CNKSR3: variants seen among roughly 807,000 people sequenced by gnomAD.
CNKSR3 encodes the protein CNKSR family member 3.
In CNKSR3, 36 loss-of-function variants were observed where a neutral mutation model predicts 67.7. The observed-to-expected ratio is 0.53, with a 90% confidence interval of 0.41 to 0.70. CNKSR3 has a LOEUF of 0.70. Ranked by LOEUF, CNKSR3 falls within the 30% of genes least tolerant of loss-of-function variation. The probability of loss-of-function intolerance (pLI) is 0.00; values close to 1 mark genes in which losing one functional copy is unlikely to be tolerated. For synonymous variants in CNKSR3, 281 were observed against 271.4 expected, an observed-to-expected ratio of 1.04 and a Z score of -0.35; for missense variants, 630 against 695.2, an observed-to-expected ratio of 0.91 and a Z score of 1.05.
chr6:154,426,375 T>TTTATTTATTTAA (rs1166471554), intron 7 of CNKSR3, among the ~76,000 whole-genome samples: 1 of 152,092 alleles, frequency 6.6e-6, no homozygotes, highest in East Asian at 1.9e-4. Flanking sequence ...TATTTATTTA[T>TTTATTTATTTAA]TTGAGACAGA....
At chr6:154,412,889 A>AC (rs1784938196) in intron 10 of CNKSR3, among the ~76,000 whole-genome samples, 1 of 152,200 alleles carries the variant, frequency 6.6e-6, no homozygotes, top group African/African-American at 2.4e-5. Flanking sequence ...AGACCCTGGC[A>AC]GTTCTGTAGG....
intron 1 of CNKSR3, among the ~76,000 whole-genome samples, chr6:154,495,230 T>C (rs1006920786): frequency 3.3e-5 from 5 of 152,210 alleles, no homozygotes; most frequent in African/African-American, 9.7e-5. Flanking sequence ...GTTTGAATCA[T>C]GGAAGTATCT....
At chr6:154,505,153 T>G (rs576560755) in intron 1 of CNKSR3, among the ~76,000 whole-genome samples, 41 of 151,688 alleles carry the variant, frequency 2.7e-4, no homozygotes, top group African/African-American at 9.9e-4. Context: ...TGCCTCTGTC[T>G]GGACGGTGGC....
At position 154,390,315 on chromosome 6, in the gene CNKSR3, G is replaced by C. The variant is rs991653005; in HGVS notation, c.*16039C>G. 6.6e-6 allele frequency: 1 copy of C among 152,178 alleles called. No homozygotes were observed. Among genetic ancestry groups the C allele is most frequent in the African/African-American group, 2.4e-5 (1 of 41,424 alleles). The allele number at this position is 152,178 out of a possible 1,614,324, so 9.4% of individuals were successfully genotyped here. On this transcript the variant is annotated 3_prime_UTR_variant, in exon 13 of 13. Transcript: ENST00000607772. Reference sequence around the variant, plus strand: ...CCCCTTGACTGTCAACTCTGCAGCTGGGCCAACCATACACACCCAGAGTTC... The same window carrying C: ...CCCCTTGACTGTCAACTCTGCAGCTCGGCCAACCATACACACCCAGAGTTC...
chr6:154,441,260 A>AAAAAAAAAAAAAAAG, intron 4 of CNKSR3, 32 bp downstream of exon 4: 1 of 1,259,120 alleles, frequency 7.9e-7, no homozygotes, highest in Non-Finnish European at 1.1e-6. Flanking sequence ...AAAAAAAAAA[A>AAAAAAAAAAAAAAAG]AAAAAGAAAG....
chr6:154,484,821 C>T (rs148437665), intron 1 of CNKSR3, among the ~76,000 whole-genome samples: 1,660 of 141,942 alleles, frequency 0.012, 109 homozygotes, highest in Admixed American at 0.1. Flanking sequence ...TTGTTACCAT[C>T]TGGATGGAGG....
intron 1 of CNKSR3, among the ~76,000 whole-genome samples, chr6:154,489,245 T>C (rs1020603348): frequency 6.4e-4 from 97 of 152,186 alleles, no homozygotes; most frequent in Admixed American, 5.5e-3. Flanking sequence ...AGTCACCCTA[T>C]TGCTGCTGGG....
chr6:154,497,069 G>A (rs1052838472), intron 1 of CNKSR3, among the ~76,000 whole-genome samples: 8 of 152,146 alleles, frequency 5.3e-5, no homozygotes, highest in African/African-American at 1.9e-4. Context: ...CTTAGCAAGA[G>A]CCTGGCCCTT....
At chr6:154,497,953 G>A (rs926484753) in intron 1 of CNKSR3, among the ~76,000 whole-genome samples, 1 of 152,202 alleles carries the variant, frequency 6.6e-6, no homozygotes, top group Non-Finnish European at 1.5e-5. Context: ...TAGGTGATAT[G>A]TGAAAACTTT....
intron 1 of CNKSR3, among the ~76,000 whole-genome samples, chr6:154,500,778 C>T (rs1786980291): frequency 6.6e-6 from 1 of 152,180 alleles, no homozygotes; most frequent in East Asian, 1.9e-4. Flanking sequence ...ACATAGAAAG[C>T]TTTCTAATTT....
intron 1 of CNKSR3, among the ~76,000 whole-genome samples, chr6:154,508,487 C>T (rs542503901): frequency 6.6e-6 from 1 of 152,268 alleles, no homozygotes; most frequent in South Asian, 2.1e-4. Context: ...TGCAGTGTCT[C>T]AAGTTGGCTC....
intron 1 of CNKSR3, among the ~76,000 whole-genome samples, chr6:154,459,541 G>GTAA (rs1786035813): frequency 6.6e-6 from 1 of 152,230 alleles, no homozygotes; most frequent in Non-Finnish European, 1.5e-5. Context: ...CAAATACGTA[G>GTAA]TAATGAGCCC....
intron 10 of CNKSR3, 24 bp downstream of exon 10, chr6:154,414,275 C>T (rs1259654647): frequency 6.4e-7 from 1 of 1,558,504 alleles, no homozygotes; most frequent in African/African-American, 1.4e-5. Flanking sequence ...GACAAGCATA[C>T]CATGACAATG....
Position 154,399,990 on chromosome 6 carries a change from G to T in CNKSR3, c.*6364C>A, listed in dbSNP as rs560232209. On this transcript the variant is annotated 3_prime_UTR_variant, in exon 13 of 13. Transcript: ENST00000607772. Reference sequence around the variant, plus strand: ...ATCATTTCTTCACAAACATCTGAATGTTTATGCTCCAGGCAAGAGGAGAGA... The same window carrying T: ...ATCATTTCTTCACAAACATCTGAATTTTTATGCTCCAGGCAAGAGGAGAGA... 2.0e-5 allele frequency: 3 copies of T among 152,244 alleles called. No homozygotes were observed. Among genetic ancestry groups the T allele is most frequent in the Admixed American group, 1.3e-4 (2 of 15,290 alleles). 9.4% of individuals were successfully genotyped at this position (152,244 alleles called of 1,614,324 possible).
intron 5 of CNKSR3, among the ~76,000 whole-genome samples, chr6:154,431,133 G>A (rs1341174307): frequency 6.6e-6 from 1 of 151,918 alleles, no homozygotes; most frequent in Non-Finnish European, 1.5e-5. Flanking sequence ...TGTACTAGGT[G>A]TGGTGCATTT....
At chr6:154,408,593 A>T (rs1422909441) in intron 12 of CNKSR3, among the ~76,000 whole-genome samples, 1 of 152,204 alleles carries the variant, frequency 6.6e-6, no homozygotes, top group Non-Finnish European at 1.5e-5. Context: ...AGGCAAATCC[A>T]CAGAGTAGAT....
At chr6:154,466,799 T>TG (rs987350901) in intron 1 of CNKSR3, among the ~76,000 whole-genome samples, 12 of 151,026 alleles carry the variant, frequency 7.9e-5, no homozygotes, top group Admixed American at 4.6e-4. Flanking sequence ...TTTTTGTTTT[T>TG]TTTTTTTATA....
chr6:154,477,476 A>G (rs922141617), intron 1 of CNKSR3, among the ~76,000 whole-genome samples: 3 of 147,164 alleles, frequency 2.0e-5, no homozygotes, highest in Non-Finnish European at 4.5e-5. Context: ...AAGCCCAGCA[A>G]TTTTTTTTTT....
intron 1 of CNKSR3, among the ~76,000 whole-genome samples, chr6:154,484,559 G>A (rs6924652): frequency 0.29 from 44,678 of 151,638 alleles, 6,728 homozygotes; most frequent in Admixed American, 0.37. Flanking sequence ...AAAATTAGCC[G>A]GGCATGGTGG....
Sources: gnomAD v4.1 joint callset for allele counts (sites outside exome capture counted in the v4.1 genomes callset) on GRCh38, gnomAD v4.1.1 for gene constraint, MANE v1.5 for transcripts, NCBI Gene and HGNC (gene_info 2026-07-23, HGNC 2026-07-21) for gene names.